SNTG2: variants seen among roughly 807,000 people sequenced by gnomAD.
SNTG2 encodes gamma-2-syntrophin.
Under a neutral mutation model 70.9 loss-of-function variants are expected in SNTG2, and 74 were observed. That is an observed-to-expected ratio of 1.04 (90% CI 0.86 to 1.27). The LOEUF is 1.27. SNTG2 is among the 50% of genes most tolerant of loss of function. The probability of loss-of-function intolerance (pLI) is 0.00; values close to 1 mark genes in which losing one functional copy is unlikely to be tolerated. For missense variants in SNTG2, 717 were observed against 690.7 expected (o/e 1.04, Z -0.43); for synonymous variants, 278 against 273.8 (o/e 1.02, Z -0.15).
chr2:1,267,348 C>A lies in SNTG2; in HGVS notation c.1078-17C>A. The A allele has an allele frequency of 6.3e-7, 1 of 1,579,512 alleles. No individual in the cohort carries two copies. The highest frequency in any genetic ancestry group is 1.8e-5 in the Admixed American group (1 of 54,684). On this transcript the variant is annotated splice_polypyrimidine_tract_variant and intron_variant, in intron 13 of 16. Transcript: ENST00000308624. The stretch of plus-strand genomic sequence containing the variant: ...CTTCCAGCGCTGCACGTTTCCAATC[C>A]ATGCTCTGTTTTTCAGTTCTGGCTC...
chr2:1,301,211 C>T (rs1325727390), intron 14 of SNTG2, among the ~76,000 whole-genome samples: 1 of 152,068 alleles, frequency 6.6e-6, no homozygotes, highest in Non-Finnish European at 1.5e-5. Context: ...GGGGAAGGGT[C>T]ATGGGATTGG....
chr2:1,069,278 G>T (rs1427467201), intron 1 of SNTG2, among the ~76,000 whole-genome samples: 2 of 151,394 alleles, frequency 1.3e-5, no homozygotes, highest in Non-Finnish European at 1.5e-5. Flanking sequence ...CAAAATATAT[G>T]ATGTGGGGCA....
chr2:1,348,820 A>G (rs1660433911), intron 16 of SNTG2, among the ~76,000 whole-genome samples: 1 of 152,238 alleles, frequency 6.6e-6, no homozygotes, highest in African/African-American at 2.4e-5. Flanking sequence ...AAATTGTTGT[A>G]CAGTTGAACA....
chr2:1,264,085 CTT>C (rs1358421112), intron 13 of SNTG2, among the ~76,000 whole-genome samples: 2 of 152,200 alleles, frequency 1.3e-5, no homozygotes, highest in African/African-American at 4.8e-5. Flanking sequence ...GTAAAAACCT[CTT>C]AAGACAAACT....
chr2:1,131,756 A>T (rs1302776889), intron 4 of SNTG2, among the ~76,000 whole-genome samples: 1 of 150,748 alleles, frequency 6.6e-6, no homozygotes, highest in Non-Finnish European at 1.5e-5. Context: ...GGTTCACGTG[A>T]TTCTCCTGCC....
chr2:1,167,614 T>C (rs1317493245), intron 7 of SNTG2, among the ~76,000 whole-genome samples: 1 of 113,348 alleles, frequency 8.8e-6, no homozygotes, highest in Non-Finnish European at 1.8e-5. Flanking sequence ...ACGGCAGAAC[T>C]GAAGCCTACA....
intron 1 of SNTG2, among the ~76,000 whole-genome samples, chr2:975,055 C>T (rs1660864649): frequency 6.6e-6 from 1 of 152,094 alleles, no homozygotes; most frequent in Non-Finnish European, 1.5e-5. Context: ...CTCACTCACA[C>T]CCAGGAGCAA....
At chr2:1,071,070 C>G (rs1055783283) in intron 1 of SNTG2, among the ~76,000 whole-genome samples, 9 of 152,192 alleles carry the variant, frequency 5.9e-5, no homozygotes, top group African/African-American at 2.2e-4. Context: ...GACACAGAAG[C>G]CTCGGGTAGT....
chr2:1,069,339 GAAAA>G (rs36036888), intron 1 of SNTG2, among the ~76,000 whole-genome samples: 1 of 142,726 alleles, frequency 7.0e-6, no homozygotes, highest in African/African-American at 2.6e-5. Flanking sequence ...TTATATAAAT[GAAAA>G]AAAAAAAAAC....
At chr2:986,863 G>T (rs752990402) in intron 1 of SNTG2, among the ~76,000 whole-genome samples, 1 of 152,222 alleles carries the variant, frequency 6.6e-6, no homozygotes, top group Non-Finnish European at 1.5e-5. Flanking sequence ...CAATTTTAGA[G>T]TACATAACTA....
intron 1 of SNTG2, among the ~76,000 whole-genome samples, chr2:980,955 CT>C (rs1195535566): frequency 6.6e-6 from 1 of 152,066 alleles, no homozygotes; most frequent in African/African-American, 2.4e-5. Flanking sequence ...TATTATTTTT[CT>C]TATTTTACTT....
At chr2:1,194,395 A>C (rs1418161573) in intron 8 of SNTG2, among the ~76,000 whole-genome samples, 1 of 152,166 alleles carries the variant, frequency 6.6e-6, no homozygotes, top group Admixed American at 6.5e-5. Flanking sequence ...AAAATCACAT[A>C]TATTTACACA....
chr2:1,304,896 A>C (rs968521049), intron 14 of SNTG2, among the ~76,000 whole-genome samples: 17 of 152,282 alleles, frequency 1.1e-4, no homozygotes, highest in African/African-American at 3.6e-4. Flanking sequence ...TGAACTTCAA[A>C]GCCATTTACT....
chr2:1,316,103 A>G (rs985441682), intron 15 of SNTG2, among the ~76,000 whole-genome samples, 162 bp from the exon 16 acceptor site: 3 of 152,146 alleles, frequency 2.0e-5, no homozygotes, highest in Non-Finnish European at 4.4e-5. Flanking sequence ...AAGATTGAAG[A>G]ATGAGAAAGT....
chr2:1,296,208 G>A (rs1680207736), intron 14 of SNTG2, among the ~76,000 whole-genome samples: 1 of 152,216 alleles, frequency 6.6e-6, no homozygotes, highest in Admixed American at 6.5e-5. Flanking sequence ...TGCTAATGCT[G>A]ATCTACTCAT....
At chr2:1,204,537 A>C (rs796502990) in intron 8 of SNTG2, among the ~76,000 whole-genome samples, 6 of 152,336 alleles carry the variant, frequency 3.9e-5, no homozygotes, top group East Asian at 1.9e-4. Context: ...AGAAATAAAC[A>C]ATCATAAGTT....
intron 6 of SNTG2, among the ~76,000 whole-genome samples, chr2:1,159,610 T>C (rs1670141020): frequency 2.0e-5 from 3 of 152,176 alleles, no homozygotes; most frequent in Admixed American, 1.3e-4. Flanking sequence ...AATTTGTAGA[T>C]ATGTTTATTA....
In SNTG2 at chr2:1,290,626, A is replaced by T. The variant is rs556684773; in HGVS notation, c.1285-17868A>T. ...ACTGCACCCAGCTGAGAAGTACTGC[A>T]CACCTTTAAACAACCAGATCTCATG... On this transcript the variant is annotated intron_variant, in intron 14 of 16. Coordinates refer to ENST00000308624, the MANE Select transcript of SNTG2 (RefSeq NM_018968.4). 5.9e-5 allele frequency among the ~76,000 whole-genome samples: 9 copies of T among 152,260 alleles called. No homozygotes were observed. In the South Asian group the frequency reaches 1.7e-3, roughly 28 times the overall value.
At chr2:1,096,112 CCA>C (rs146533400) in intron 2 of SNTG2, among the ~76,000 whole-genome samples, 1,696 of 152,274 alleles carry the variant, frequency 0.011, 16 homozygotes, top group Admixed American at 0.031. Context: ...GGTATGCCTC[CCA>C]CATGCAGGAG....
Sources: gnomAD v4.1 joint callset for allele counts (sites outside exome capture counted in the v4.1 genomes callset) on GRCh38, gnomAD v4.1.1 for gene constraint, MANE v1.5 for transcripts, NCBI Gene and HGNC (gene_info 2026-07-23, HGNC 2026-07-21) for gene names.